Variants in COL5A1 observed in about 807,000 individuals in gnomAD.
COL5A1 encodes the protein collagen alpha-1(V) chain.
A neutral mutation model predicts 263.7 loss-of-function variants in COL5A1; 16 were observed. The observed-to-expected ratio is 0.06, with a 90% CI of 0.04 to 0.09. COL5A1 has a LOEUF of 0.09. Ranked by LOEUF, COL5A1 falls within the 10% of genes least tolerant of loss-of-function variation. The pLI, the probability that COL5A1 is intolerant of heterozygous loss-of-function variation, is 1.00. For missense variants in COL5A1, 2,036 were observed against 2,540.5 expected (o/e 0.80, Z 4.27); for synonymous variants, 1,012 against 1,004.5 (o/e 1.01, Z -0.14).
chr9:134,809,070 C>T (rs1174480353), intron 42 of COL5A1, 113 bp from the exon 43 acceptor site: 1 of 947,584 alleles, frequency 1.1e-6, no homozygotes, highest in African/African-American at 1.6e-5. Flanking sequence ...GGGACGGTCA[C>T]CCTCACCAAC....
Position 134,750,835 on chromosome 9 carries a change from G to A in COL5A1, c.1615G>A (p.Val539Ile). ...GGDAGSKGPMVSAQESQAQAI... is the reference protein window; with the variant it reads ...GGDAGSKGPMISAQESQAQAI... ...CGATGCGGGCTCCAAAGGCCCCATG[G>A]TCTCAGCCCAGGAGTCCCAGGCGCA... The change falls in exon 13 of 66, where the codon GTC becomes ATC. Residue 539 changes from valine to isoleucine, a missense_variant. By Grantham distance (29) the Val-to-Ile change is conservative. This residue lies in a region of COL5A1 where 1,078 missense variants were observed against 1,521.4 expected (regional missense o/e 0.71). Coordinates refer to ENST00000371817, the MANE Select transcript of COL5A1 (RefSeq NM_000093.5). The A allele has an allele frequency of 6.2e-7, 1 of 1,613,208 alleles. No individual in the cohort carries two copies. The highest frequency in any genetic ancestry group is 8.5e-7 in the Non-Finnish European group (1 of 1,180,026).
intron 27 of COL5A1, among the ~76,000 whole-genome samples, chr9:134,775,717 C>G (rs1837030163): frequency 6.6e-6 from 1 of 152,166 alleles, no homozygotes; most frequent in East Asian, 1.9e-4. Flanking sequence ...ATGATTCTTT[C>G]CTTCAAGATG....
chr9:134,774,638 CTG>C (rs1836985235), intron 26 of COL5A1, among the ~76,000 whole-genome samples: 1 of 152,248 alleles, frequency 6.6e-6, no homozygotes, highest in South Asian at 2.1e-4. Flanking sequence ...TGCTTCACCT[CTG>C]TGTCCCGCTC....
intron 52 of COL5A1, among the ~76,000 whole-genome samples, chr9:134,816,254 C>T (rs1245091335): frequency 1.3e-5 from 2 of 152,246 alleles, no homozygotes; most frequent in African/African-American, 4.8e-5. Context: ...AGGGCTTCCA[C>T]GACCCACCAT....
At chr9:134,743,280 G>A (rs771285411) in intron 11 of COL5A1, among the ~76,000 whole-genome samples, 7 of 152,110 alleles carry the variant, frequency 4.6e-5, no homozygotes, top group South Asian at 4.2e-4. Flanking sequence ...CTGAATCTCC[G>A]CAGTCCACTG....
intron 4 of COL5A1, among the ~76,000 whole-genome samples, chr9:134,704,275 G>A (rs1201878856): frequency 1.3e-5 from 2 of 152,056 alleles, no homozygotes; most frequent in African/African-American, 2.4e-5. Flanking sequence ...TCTGTAAAAT[G>A]ACAATAATAG....
intron 62 of COL5A1, 35 bp from the exon 63 acceptor site, chr9:134,825,757 C>T (rs1320378263): frequency 1.4e-6 from 2 of 1,419,316 alleles, no homozygotes; most frequent in Non-Finnish European, 2.0e-6. Context: ...ATCCTTCTGA[C>T]TCTGCCTGCC....
At chr9:134,799,900 G>A (rs1328524132) in intron 37 of COL5A1, among the ~76,000 whole-genome samples, 2 of 152,184 alleles carry the variant, frequency 1.3e-5, no homozygotes, top group Admixed American at 6.5e-5. Flanking sequence ...AAAGAATTAA[G>A]CTGCTTGTCT....
chr9:134,654,499 G>T (rs1354053234), intron 1 of COL5A1, among the ~76,000 whole-genome samples: 1 of 127,976 alleles, frequency 7.8e-6, no homozygotes, highest in African/African-American at 3.0e-5. Context: ...TGTAGAGCTG[G>T]TGTGTGTAGG....
rs76835381 is a variant in COL5A1, at chr9:134,815,657, G to A, written c.4068+28G>A. On this transcript the variant is annotated intron_variant, in intron 51 of 65. Coordinates refer to ENST00000371817, the MANE Select transcript of COL5A1 (RefSeq NM_000093.5). Reference sequence around the variant, plus strand: ...AGGTGCTCAAGAGGGCAAAGCCACCGGATCCCCCACAGTGCTGGCCTGCCT... The same window carrying A: ...AGGTGCTCAAGAGGGCAAAGCCACCAGATCCCCCACAGTGCTGGCCTGCCT... 975 of 1,611,206 alleles carry A rather than the reference G, an allele frequency of 6.1e-4. 6 individuals are homozygous for A. In the African/African-American group the frequency reaches 0.011, roughly 17 times the overall value.
intron 6 of COL5A1, among the ~76,000 whole-genome samples, 191 bp downstream of exon 6, chr9:134,728,998 C>T (rs557857808): frequency 9.8e-5 from 15 of 152,320 alleles, no homozygotes; most frequent in African/African-American, 2.2e-4. Flanking sequence ...TCGGGCTTTC[C>T]GCAGTGAGGA....
At chr9:134,655,407 C>T (rs768726245) in intron 1 of COL5A1, among the ~76,000 whole-genome samples, 2 of 152,012 alleles carry the variant, frequency 1.3e-5, no homozygotes, top group African/African-American at 2.4e-5. Flanking sequence ...TACCTTTAGC[C>T]TCTCAGCTGG....
intron 11 of COL5A1, among the ~76,000 whole-genome samples, chr9:134,739,686 T>C (rs1835230334): frequency 1.3e-5 from 2 of 152,196 alleles, no homozygotes; most frequent in African/African-American, 4.8e-5. Context: ...TTTGCAGCAG[T>C]GCTCAGGAAA....
intron 1 of COL5A1, among the ~76,000 whole-genome samples, chr9:134,660,166 C>T (rs1832160352): frequency 6.6e-6 from 1 of 152,218 alleles, no homozygotes; most frequent in Non-Finnish European, 1.5e-5. Context: ...AGCAGTGCCC[C>T]AGGCCTGATT....
chr9:134,732,293 G>A (rs1490044064), intron 9 of COL5A1, 166 bp downstream of exon 9: 31 of 728,880 alleles, frequency 4.3e-5, no homozygotes, highest in Middle Eastern at 3.6e-4. Flanking sequence ...CTTGTCCCCA[G>A]GACTTGTGAA....
chr9:134,790,231 G>A (rs1365825003), intron 32 of COL5A1, among the ~76,000 whole-genome samples: 2 of 152,216 alleles, frequency 1.3e-5, no homozygotes, highest in South Asian at 4.1e-4. Flanking sequence ...TGTTCTGAGT[G>A]TAAGTTGGCA....
At chr9:134,824,964 G>A (rs921655437) in intron 62 of COL5A1, 109 bp downstream of exon 62, 14 of 1,420,356 alleles carry the variant, frequency 9.9e-6, no homozygotes, top group African/African-American at 4.3e-5. Context: ...GGGACAGGAC[G>A]GGCAGCCGCA....
At chr9:134,732,371 G>A in intron 9 of COL5A1, 3 of 609,362 alleles carry the variant, frequency 4.9e-6, no homozygotes, top group Non-Finnish European at 8.9e-6. Context: ...GATCAAAGCC[G>A]GTCCTGCACC....
intron 18 of COL5A1, among the ~76,000 whole-genome samples, chr9:134,761,097 C>A (rs1836413381): frequency 7.0e-6 from 1 of 142,728 alleles, no homozygotes; most frequent in African/African-American, 2.9e-5. Flanking sequence ...ACACACCCCA[C>A]ACATGCACAC....
Sources: gnomAD v4.1 joint callset for allele counts (sites outside exome capture counted in the v4.1 genomes callset) on GRCh38, gnomAD v4.1.1 for gene constraint, gnomAD v4.1.1 regional missense constraint, MANE v1.5 for transcripts, NCBI Gene and HGNC (gene_info 2026-07-23, HGNC 2026-07-21) for gene names.